Variants in DMD observed in about 807,000 individuals in gnomAD.
The protein encoded by DMD is mutant dystrophin.
A neutral mutation model predicts 330.1 loss-of-function variants in DMD; 63 were observed. The ratio of observed to expected loss-of-function variants is 0.19; its 90% CI spans 0.16 to 0.24. The LOEUF is 0.24. DMD is among the 10% of genes least tolerant of loss of function. The pLI is 1.00. For synonymous variants in DMD, 1,223 were observed against 959.8 expected (o/e 1.27, Z -5.07); for missense variants, 3,344 against 2,684.1 (o/e 1.25, Z -5.43).
chrX:32,327,913 A>G (rs1181668714), intron 41 of DMD, among the ~76,000 whole-genome samples: 1 of 111,806 alleles, frequency 8.9e-6, no homozygotes, highest in African/African-American at 3.2e-5. Context: ...GAAATAAAGT[A>G]TTTTACCAAA....
chrX:31,646,476 T>C (rs950901272), intron 54 of DMD, among the ~76,000 whole-genome samples: 34 of 111,493 alleles, frequency 3.0e-4, no homozygotes, highest in African/African-American at 1.1e-3. Context: ...TTGGATGGGG[T>C]AGGACCTACA....
intron 37 of DMD, among the ~76,000 whole-genome samples, chrX:32,352,787 G>C (rs1272569206): frequency 9.0e-6 from 1 of 110,672 alleles, no homozygotes; most frequent in African/African-American, 3.3e-5. Context: ...AAAATTACGG[G>C]AGTGGGATTG....
At chrX:31,694,643 TATATATACAC>T (rs1205698847) in intron 52 of DMD, among the ~76,000 whole-genome samples, 1 of 91,589 alleles carries the variant, frequency 1.1e-5, no homozygotes, top group African/African-American at 4.3e-5. Flanking sequence ...TATATATATA[TATATATACAC>T]ACACATATAT....
intron 44 of DMD, among the ~76,000 whole-genome samples, chrX:31,970,429 C>A (rs2095388579): frequency 9.1e-6 from 1 of 109,770 alleles, no homozygotes; most frequent in African/African-American, 3.4e-5. Flanking sequence ...AAAAATAAGA[C>A]ACAGTTGCAA....
At chrX:31,699,169 G>A (rs1381471533) in intron 52 of DMD, among the ~76,000 whole-genome samples, 1 of 112,049 alleles carries the variant, frequency 8.9e-6, no homozygotes, top group Non-Finnish European at 1.9e-5. Flanking sequence ...ATAGGCAATC[G>A]TGTACTTTGG....
chrX:32,354,281 A>G (rs916019964), intron 37 of DMD, among the ~76,000 whole-genome samples: 4 of 111,755 alleles, frequency 3.6e-5, no homozygotes, highest in Non-Finnish European at 5.7e-5. Flanking sequence ...AATTGCTTCA[A>G]ATCCATCAGT....
chrX:31,806,909 G>A (rs1003543002), intron 50 of DMD, among the ~76,000 whole-genome samples: 5 of 112,145 alleles, frequency 4.5e-5, no homozygotes, highest in Non-Finnish European at 9.4e-5. Context: ...GTGACTTTTA[G>A]TATTTTTAAA....
At chrX:31,547,795 C>T (rs1047463067) in intron 55 of DMD, among the ~76,000 whole-genome samples, 49 of 111,774 alleles carry the variant, frequency 4.4e-4, no homozygotes, top group African/African-American at 1.4e-3. Flanking sequence ...GTATAAAATC[C>T]TATTTTCTAA....
Position 31,399,350 on chromosome X carries a change from T to A in DMD, c.9084+45131A>T, listed in dbSNP as rs921173938. On this transcript the variant is annotated intron_variant, in intron 60 of 78. Transcript: ENST00000357033. The stretch of plus-strand genomic sequence containing the variant: ...TGTCCCTCTAAAGTCAAGCCGCTTC[T>A]CTTTGATGTCCAACTGTAGTTTCTG... 3.8e-5 allele frequency among the ~76,000 whole-genome samples: 4 copies of A among 104,362 alleles called. No homozygotes were observed. In the East Asian group the frequency reaches 9.4e-4, roughly 24 times the overall value. The allele number at this position is 104,362 out of a possible 115,157, so 90.6% of individuals were successfully genotyped here.
rs1569280511 is a variant in DMD, at chrX:31,120,960, C to T, written c.*959G>A. The T allele has an allele frequency of 9.0e-6, 1 of 110,615 alleles. No individual in the cohort carries two copies. The highest frequency in any genetic ancestry group is 1.9e-5 in the Non-Finnish European group (1 of 52,886). 9.1% of individuals were successfully genotyped at this position (110,615 alleles called of 1,213,427 possible). A position where few individuals can be genotyped will look rare whatever the true frequency, so the allele number is the denominator to read the frequency against. ...TTCACATGTTCCCTTTAAAAAAATC[C>T]AATACTTTACTTTACTTTCGTTGTC... On this transcript the variant is annotated 3_prime_UTR_variant, in exon 79 of 79. Coordinates refer to ENST00000357033, the MANE Select transcript of DMD (RefSeq NM_004006.3).
intron 4 of DMD, among the ~76,000 whole-genome samples, chrX:32,840,329 A>G (rs769514052): frequency 3.6e-5 from 4 of 111,977 alleles, no homozygotes; most frequent in African/African-American, 9.7e-5. Flanking sequence ...TTCTAATTTT[A>G]TATTCACTTA....
At chrX:32,400,513 G>C (rs1174319072) in intron 30 of DMD, among the ~76,000 whole-genome samples, 3 of 111,185 alleles carry the variant, frequency 2.7e-5, no homozygotes, top group African/African-American at 6.6e-5. Flanking sequence ...CTATGGATTG[G>C]AATAGTTTCA....
In DMD at chrX:31,209,539, G is replaced by A. The variant is rs765096423; in HGVS notation, c.9522C>T (p.Cys3174=). ...EHNNLVNVPL[C]VDMCLNWLLN... ...GCAGCCAGTTCAGACACATATCCAC[G>A]CAGAGAGGGACGTTGACCAAATTGT... The change falls in exon 65 of 79, where the codon TGC becomes TGT. Residue 3174 remains cysteine (C), a synonymous_variant. Transcript: ENST00000357033. The A allele has an allele frequency of 1.1e-5, 13 of 1,208,963 alleles. No homozygotes were observed. Among genetic ancestry groups the A allele is most frequent in the Non-Finnish European group, 1.3e-5 (12 of 894,937 alleles).
In DMD at chrX:31,835,433, T is replaced by A. The variant is rs142085188; in HGVS notation, c.7200+1285A>T. On this transcript the variant is annotated intron_variant, in intron 49 of 78. Transcript: ENST00000357033. ...CAACGGAAACTCTGAAATTTGCTGC[T>A]TTCAGGACTTTGCCTAGCTCTTCCA... 1.2e-3 allele frequency among the ~76,000 whole-genome samples: 133 copies of A among 112,263 alleles called. No individual in the cohort carries two copies. The East Asian group carries it at 0.023, about 19-fold the overall frequency.
rs2048760712 is a variant in DMD, at chrX:32,544,284, T to C, written c.2168+875A>G. On this transcript the variant is annotated intron_variant, in intron 17 of 78. Transcript: ENST00000357033. ...TTGAATAACTTCTCTAGATTTATTT[T>C]TTTTCTTAGAACATCTGACATGGTA... is the stretch of plus-strand genomic sequence containing the variant. 2.7e-5 allele frequency among the ~76,000 whole-genome samples: 3 copies of C among 111,974 alleles called. No homozygotes were observed. In the Admixed American group the frequency reaches 2.9e-4, roughly 11 times the overall value.
At chrX:31,482,768 G>T (rs903363706) in intron 57 of DMD, among the ~76,000 whole-genome samples, 3 of 111,864 alleles carry the variant, frequency 2.7e-5, no homozygotes, top group African/African-American at 9.8e-5. Context: ...AGGATAACAA[G>T]ACAAAGGGAT....
rs753136687 is a variant in DMD, at chrX:31,845,896, C to T, written c.7099-9077G>A. Among the ~76,000 whole-genome samples the T allele has an allele frequency of 7.2e-5, 8 of 111,220 alleles. No individual in the cohort carries two copies. In the South Asian group the frequency reaches 2.6e-3, roughly 37 times the overall value. On this transcript the variant is annotated intron_variant, in intron 48 of 78. Transcript: ENST00000357033. Reference sequence around the variant, plus strand: ...TAATTGCAAAAAGAAGCGTAGTGTGCAGATTAGGGGTAAGGCTAAGAATAC... The same window carrying T: ...TAATTGCAAAAAGAAGCGTAGTGTGTAGATTAGGGGTAAGGCTAAGAATAC...
At chrX:31,434,413 C>T (rs866918250) in intron 60 of DMD, among the ~76,000 whole-genome samples, 4 of 71,416 alleles carry the variant, frequency 5.6e-5, no homozygotes, top group Admixed American at 1.6e-4. Context: ...TACTGCAGCG[C>T]GCGCGCACAC....
At chrX:32,076,674 C>T (rs1357780893) in intron 44 of DMD, among the ~76,000 whole-genome samples, 2 of 111,621 alleles carry the variant, frequency 1.8e-5, no homozygotes, top group African/African-American at 3.3e-5. Flanking sequence ...CCACCCTGCC[C>T]GGCCCATAAG....
Sources: gnomAD v4.1 joint callset for allele counts (sites outside exome capture counted in the v4.1 genomes callset) on GRCh38, gnomAD v4.1.1 for gene constraint, MANE v1.5 for transcripts, NCBI Gene and HGNC (gene_info 2026-07-23, HGNC 2026-07-21) for gene names.